The following MEI4 variants were observed in gnomAD, a reference collection of about 807,000 sequenced individuals.
MEI4 encodes meiotic double-stranded break formation protein 4.
Under a neutral mutation model 31.4 loss-of-function variants are expected in MEI4, and 27 were observed. The ratio of observed to expected loss-of-function variants is 0.86; its 90% CI spans 0.63 to 1.19. The LOEUF (loss-of-function observed/expected upper bound fraction) is 1.19. Ranked by LOEUF, MEI4 falls within the 50% of genes most tolerant of loss-of-function variation. The pLI is 0.00. For missense variants in MEI4, 329 were observed against 398.9 expected, an observed-to-expected ratio of 0.82 and a Z score of 1.49; for synonymous variants, 122 against 145.4, an observed-to-expected ratio of 0.84 and a Z score of 1.16.
At chr6:77,744,733 C>T (rs998424453) in intron 2 of MEI4, among the ~76,000 whole-genome samples, 1 of 152,162 alleles carries the variant, frequency 6.6e-6, no homozygotes, top group Non-Finnish European at 1.5e-5. Context: ...GGTATGGTTA[C>T]CCACAAGGGG....
chr6:77,773,483 G>A (rs1332622816), intron 3 of MEI4, among the ~76,000 whole-genome samples: 1 of 152,000 alleles, frequency 6.6e-6, no homozygotes, highest in Non-Finnish European at 1.5e-5. Flanking sequence ...ATATCTATAT[G>A]TAAAGGAGTG....
rs113624235 is a variant in MEI4 at position 77,915,592 on chromosome 6, A to G, written c.901-7497A>G. On this transcript the variant is annotated intron_variant, in intron 4 of 4. Transcript: ENST00000684080. ...TTGACTTTTGACAGTTTTATCGGAT[A>G]TAAGTATTACTACATGTATCTGGGT... 5.2e-3 allele frequency among the ~76,000 whole-genome samples: 789 copies of G among 152,132 alleles called. 7 individuals are homozygous for G. Among genetic ancestry groups the G allele is most frequent in the African/African-American group, 0.019 (770 of 41,556 alleles).
intron 1 of MEI4, among the ~76,000 whole-genome samples, chr6:77,674,075 TCTG>T (rs1195244641): frequency 3.3e-5 from 5 of 152,200 alleles, no homozygotes; most frequent in Non-Finnish European, 5.9e-5. Flanking sequence ...AATGTAATGT[TCTG>T]CTGCAAAAGG....
chr6:77,915,182 C>T (rs9352542), intron 4 of MEI4, among the ~76,000 whole-genome samples: 125,551 of 152,010 alleles, frequency 0.83, 52,362 homozygotes, highest in East Asian at 0.95. Context: ...TTTTCTGTAT[C>T]GGTAACATTT....
At chr6:77,733,613 G>A (rs994625192) in intron 2 of MEI4, among the ~76,000 whole-genome samples, 4 of 151,674 alleles carry the variant, frequency 2.6e-5, no homozygotes, top group Admixed American at 6.6e-5. Flanking sequence ...AGGGTTTTTT[G>A]TGCCTCTATT....
At chr6:77,874,721 A>G (rs953367777) in intron 4 of MEI4, among the ~76,000 whole-genome samples, 1 of 152,138 alleles carries the variant, frequency 6.6e-6, no homozygotes, top group Non-Finnish European at 1.5e-5. Context: ...TTGCCCATTC[A>G]GTATGATATT....
chr6:77,765,793 TC>T (rs1305438506), intron 3 of MEI4, among the ~76,000 whole-genome samples: 1 of 149,504 alleles, frequency 6.7e-6, no homozygotes, highest in Non-Finnish European at 1.5e-5. Context: ...AACCCAAATG[TC>T]CAACAATGAT....
chr6:77,655,937 T>C (rs1768386863), intron 1 of MEI4, among the ~76,000 whole-genome samples: 1 of 152,200 alleles, frequency 6.6e-6, no homozygotes, highest in African/African-American at 2.4e-5. Context: ...AAGGAAATGT[T>C]CTGAAGTAGG....
At chr6:77,703,826 G>C (rs1229823451) in intron 2 of MEI4, among the ~76,000 whole-genome samples, 2 of 152,124 alleles carry the variant, frequency 1.3e-5, no homozygotes, top group African/African-American at 4.8e-5. Flanking sequence ...GGGTAAATGG[G>C]ATGAGCCTGA....
At position 77,723,047 on chromosome 6, in the gene MEI4, C is replaced by T; in HGVS notation, c.232+32144C>T. 1.4e-5 allele frequency among the ~76,000 whole-genome samples: 2 copies of T among 143,060 alleles called. 1 individual carries two copies. The highest frequency in any genetic ancestry group is 3.1e-5 in the Non-Finnish European group (2 of 65,184). The allele number at this position is 143,060 out of a possible 152,430, so 93.9% of individuals were successfully genotyped here. A position where few individuals can be genotyped will look rare whatever the true frequency, so the allele number is the denominator to read the frequency against. On this transcript the variant is annotated intron_variant, in intron 2 of 4. Coordinates refer to ENST00000684080, the MANE Select transcript of MEI4 (RefSeq NM_001322247.2). Reference sequence around the variant, plus strand: ...TGAGCAATCCTGTCTCCTGGACTGGCACTCCAAGGAACTGAAGAGCTAATA... The same window carrying T: ...TGAGCAATCCTGTCTCCTGGACTGGTACTCCAAGGAACTGAAGAGCTAATA...
At chr6:77,751,492 A>G (rs1478160037) in intron 2 of MEI4, among the ~76,000 whole-genome samples, 2 of 152,184 alleles carry the variant, frequency 1.3e-5, no homozygotes, top group Non-Finnish European at 2.9e-5. Flanking sequence ...TGCAACCTCT[A>G]TGCAAATAAA....
chr6:77,689,643 A>G (rs1285064754), intron 1 of MEI4, among the ~76,000 whole-genome samples: 1 of 152,086 alleles, frequency 6.6e-6, no homozygotes, highest in East Asian at 1.9e-4. Flanking sequence ...ATGAGCAGAG[A>G]TGTGTACAGG....
chr6:77,735,818 G>C (rs1307797506), intron 2 of MEI4, among the ~76,000 whole-genome samples: 1 of 151,990 alleles, frequency 6.6e-6, no homozygotes, highest in African/African-American at 2.4e-5. Context: ...TTTTGGTGTG[G>C]ATGTACTTTC....
At chr6:77,837,508 C>G (rs1770248113) in intron 4 of MEI4, among the ~76,000 whole-genome samples, 1 of 152,148 alleles carries the variant, frequency 6.6e-6, no homozygotes, top group South Asian at 2.1e-4. Context: ...ACCAAAGAGA[C>G]TTTATTAACT....
chr6:77,860,027 A>C (rs1770831571), intron 4 of MEI4, among the ~76,000 whole-genome samples: 1 of 152,190 alleles, frequency 6.6e-6, no homozygotes. Context: ...TTATTACAGA[A>C]TAACCAAATC....
At chr6:77,768,525 C>T (rs1768230270) in intron 3 of MEI4, among the ~76,000 whole-genome samples, 1 of 152,004 alleles carries the variant, frequency 6.6e-6, no homozygotes, top group Non-Finnish European at 1.5e-5. Flanking sequence ...CGTGGGAAAA[C>T]CCTGTCTCTA....
chr6:77,651,307 G>T (rs899267964), upstream of MEI4, among the ~76,000 whole-genome samples: 14 of 152,198 alleles, frequency 9.2e-5, no homozygotes, highest in Non-Finnish European at 1.8e-4. Context: ...TATCTAGATT[G>T]TTTGAAGAGG....
intron 4 of MEI4, among the ~76,000 whole-genome samples, chr6:77,857,163 A>G (rs561228916): frequency 3.9e-5 from 6 of 152,198 alleles, no homozygotes; most frequent in Non-Finnish European, 8.8e-5. Flanking sequence ...GAACTAATGT[A>G]TATTTCACAC....
chr6:77,668,859 G>A (rs1768685357), intron 1 of MEI4, among the ~76,000 whole-genome samples: 1 of 152,138 alleles, frequency 6.6e-6, no homozygotes, highest in Non-Finnish European at 1.5e-5. Context: ...CAGAAGTAAA[G>A]CATAGTGATA....
Sources: gnomAD v4.1 joint callset for allele counts (sites outside exome capture counted in the v4.1 genomes callset) on GRCh38, gnomAD v4.1.1 for gene constraint, MANE v1.5 for transcripts, NCBI Gene and HGNC (gene_info 2026-07-23, HGNC 2026-07-21) for gene names.